Variants in C3 observed in about 807,000 individuals in gnomAD.
C3 encodes the protein complement C3, also known as C3 and PZP-like alpha-2-macroglobulin domain-containing protein 1.
C3 carries 97 observed loss-of-function variants against 207.9 expected under a neutral mutation model. That is an observed-to-expected ratio of 0.47 (90% confidence interval 0.40 to 0.55). The LOEUF (loss-of-function observed/expected upper bound fraction) is 0.55. Ranked by LOEUF, C3 falls within the 20% of genes least tolerant of loss-of-function variation. C3 has a pLI of 0.00. For missense variants in C3, 1,684 were observed against 2,171.7 expected, an observed-to-expected ratio of 0.78 and a Z score of 4.46; for synonymous variants, 848 against 857.6, an observed-to-expected ratio of 0.99 and a Z score of 0.20.
At position 6,690,612 on chromosome 19, in the gene C3, A is replaced by C; in HGVS notation, c.3489+17T>G. 6.2e-7 allele frequency: 1 copy of C among 1,602,410 alleles called. No homozygotes were observed. The highest frequency in any genetic ancestry group is 8.6e-7 in the Non-Finnish European group (1 of 1,169,202). On this transcript the variant is annotated intron_variant, in intron 27 of 40. Transcript: ENST00000245907. ...TCGGGTAAGGTAGGGTAGGGTGGGA[A>C]GATGGAGGGCACTTACGTTGACCTG...
chr19:6,685,281 T>C, intron 29 of C3, 135 bp from the exon 30 acceptor site: 1 of 802,860 alleles, frequency 1.2e-6, no homozygotes, highest in South Asian at 1.5e-5. Flanking sequence ...AGTGCAGGGG[T>C]GATAACTGGA....
rs765224315 is a variant in C3, at chr19:6,707,107, G to A, written c.2214C>T (p.His738=). 49 of 1,612,554 alleles carry A rather than the reference G, an allele frequency of 3.0e-5. No individual in the cohort carries two copies. In the Middle Eastern group the frequency reaches 4.9e-4, roughly 16 times the overall value. Residue 738 remains histidine (H), a synonymous_variant, in exon 17 of 41, where the codon CAC becomes CAT. Coordinates refer to ENST00000245907, the MANE Select transcript of C3 (RefSeq NM_000064.4). Reference sequence around the variant, plus strand: ...CCAGGCCCAGGTGGCTGGCCCGCGCGTGCTGCCGCCGCAGCTCTGTGATGT... The same window carrying A: ...CCAGGCCCAGGTGGCTGGCCCGCGCATGCTGCCGCCGCAGCTCTGTGATGT... ...CNYITELRRQ[H]ARASHLGLAR...
At chr19:6,691,627 G>A (rs931798797) in intron 26 of C3, among the ~76,000 whole-genome samples, 1 of 152,178 alleles carries the variant, frequency 6.6e-6, no homozygotes, top group African/African-American at 2.4e-5. Context: ...TGAGACTGAG[G>A]CAGTGATTCT....
At position 6,720,290 on chromosome 19, in the gene C3, A is replaced by G. The variant is rs11569397; in HGVS notation, c.74+226T>C. 9.6e-3 allele frequency among the ~76,000 whole-genome samples: 1,453 copies of G among 152,096 alleles called. 32 individuals are homozygous for G. The highest frequency in any genetic ancestry group is 0.034 in the African/African-American group (1,389 of 41,362). On this transcript the variant is annotated intron_variant, in intron 1 of 40. Coordinates refer to ENST00000245907, the MANE Select transcript of C3 (RefSeq NM_000064.4). The stretch of plus-strand genomic sequence containing the variant: ...AAACACCCAAACTCACAGGCAGCCC[A>G]AATGTATATAAACTCCAATTCCATG...
intron 27 of C3, among the ~76,000 whole-genome samples, chr19:6,689,332 CCT>C (rs1918099731): frequency 2.2e-5 from 1 of 44,532 alleles, no homozygotes; most frequent in African/African-American, 1.2e-4. Flanking sequence ...TACCTACCTC[CCT>C]CCCTCCCTCC....
rs1421678843 is a variant in C3 at position 6,678,938 on chromosome 19, T to C, written c.4630+187A>G. Among the ~76,000 whole-genome samples the C allele has an allele frequency of 3.3e-5, 5 of 151,974 alleles. No individual in the cohort carries two copies. The East Asian group carries it at 9.6e-4, about 29-fold the overall frequency. ...ACATCTACCTTTTCTCACATGAGCA[T>C]ACCTAGGCCACTCACAGTCATGGTT... On this transcript the variant is annotated intron_variant, in intron 38 of 40. Transcript: ENST00000245907.
At chr19:6,689,457 C>T (rs1918117239) in intron 27 of C3, among the ~76,000 whole-genome samples, 1 of 151,628 alleles carries the variant, frequency 6.6e-6, no homozygotes, top group Admixed American at 6.6e-5. Flanking sequence ...GGCCCCTCCC[C>T]TCCATCTCTT....
At chr19:6,718,549 G>A (rs950653618) in intron 2 of C3, 137 bp from the exon 3 acceptor site, 31 of 974,418 alleles carry the variant, frequency 3.2e-5, no homozygotes, top group Admixed American at 2.8e-4. Context: ...TGGGGAGGGA[G>A]GGGCATGTGA....
chr19:6,707,498 G>A lies in C3; in HGVS notation c.2015C>T (p.Ser672Phe). The A allele has an allele frequency of 2.5e-6, 4 of 1,614,112 alleles. No homozygotes were observed. The highest frequency in any genetic ancestry group is 3.4e-6 in the Non-Finnish European group (4 of 1,179,992). The change falls in exon 16 of 41, where the codon TCC becomes TTC. Residue 672 changes from serine (S) to phenylalanine (F), a missense_variant. Ser to Phe is a radical substitution (Grantham distance 155). This residue lies in a region of C3 where 1,280 missense variants were observed against 1,739.1 expected (regional missense o/e 0.74). Transcript: ENST00000245907. Reference protein sequence around the residue: ...CPQPAARRRRSVQLTEKRMDK... With the variant: ...CPQPAARRRRFVQLTEKRMDK... ...CATTCGCTTCTCCGTGAGCTGCACG[G>A]AACGGCGTCGGCGGGCGGCTGGCTG...
chr19:6,709,952 G>A (rs1018012112), intron 13 of C3, 110 bp from the exon 14 acceptor site: 43 of 869,278 alleles, frequency 4.9e-5, no homozygotes, highest in African/African-American at 7.4e-5. Context: ...GGGGGGAGCC[G>A]TGGGGCTGGG....
chr19:6,689,256 A>G (rs1433121198), intron 27 of C3, among the ~76,000 whole-genome samples: 2 of 151,144 alleles, frequency 1.3e-5, no homozygotes, highest in African/African-American at 4.9e-5. Context: ...GGAAGTGCCC[A>G]TGAGTCAGGA....
At chr19:6,706,413 T>C (rs541177728) in intron 17 of C3, among the ~76,000 whole-genome samples, 1 of 152,248 alleles carries the variant, frequency 6.6e-6, no homozygotes, top group Non-Finnish European at 1.5e-5. Context: ...TGAAGGCCTC[T>C]GTCCCTTCCA....
rs1276818404 is a variant in C3 at position 6,684,421 on chromosome 19, G to A, written c.4139C>T (p.Ala1380Val). The part of the protein sequence containing the change: ...APETEKRPQD[A>V]KNTMILEICT... The stretch of plus-strand genomic sequence containing the variant: ...GATCTCAAGGATCATAGTGTTCTTG[G>A]CATCCTGAGGCCTCTTTTCTAGAAA... Residue 1380 changes from alanine (A) to valine (V), a missense_variant, in exon 33 of 41, where the codon GCC (alanine) becomes GTC (valine). Ala to Val is a moderately conservative substitution (Grantham distance 64). Coordinates refer to ENST00000245907, the MANE Select transcript of C3 (RefSeq NM_000064.4). 6.2e-7 allele frequency: 1 copy of A among 1,613,808 alleles called. No individual in the cohort carries two copies. The highest frequency in any genetic ancestry group is 8.5e-7 in the Non-Finnish European group (1 of 1,179,676).
chr19:6,719,482 C>T lies in C3; in HGVS notation c.75-79G>A. On this transcript the variant is annotated intron_variant, in intron 1 of 40. Coordinates refer to ENST00000245907, the MANE Select transcript of C3 (RefSeq NM_000064.4). This position sits in a 1 kb window ranked among gnomAD's most constrained non-coding sequence, Gnocchi z 5.4. ...AGTCCTCACTGGAGTCAGCGCCTGG[C>T]AGGCTGTGTGCCCCAGCCTCTGGTC... The T allele has an allele frequency of 6.0e-6, 8 of 1,327,400 alleles. No individual in the cohort carries two copies. In the Admixed American group the frequency reaches 1.2e-4, roughly 20 times the overall value. The allele number at this position is 1,327,400 out of a possible 1,614,324, so 82.2% of individuals were successfully genotyped here. A position where few individuals can be genotyped will look rare whatever the true frequency, so the allele number is the denominator to read the frequency against.
At chr19:6,708,496 C>T (rs1237297615) in intron 14 of C3, among the ~76,000 whole-genome samples, 3 of 151,082 alleles carry the variant, frequency 2.0e-5, no homozygotes, top group Non-Finnish European at 4.4e-5. Context: ...CCTTCCTCTC[C>T]CTCCCTTCCT....
In C3 at chr19:6,690,687, G is replaced by A. The variant is rs150237828; in HGVS notation, c.3431C>T (p.Thr1144Met). The A allele has an allele frequency of 6.3e-5, 102 of 1,614,194 alleles. No individual in the cohort carries two copies. Among genetic ancestry groups the A allele is most frequent in the Non-Finnish European group, 6.2e-5 (73 of 1,180,012 alleles). ...RNNNEKDMAL[T>M]AFVLISLQEA... The stretch of plus-strand genomic sequence containing the variant: ...CTGCAGCGAGATGAGAACAAAGGCC[G>A]TGAGGGCCATGTCTTTCTCGTTGTT... Residue 1144 changes from threonine (T) to methionine (M), a missense_variant, in exon 27 of 41, where the codon ACG becomes ATG. Around this residue, in one of 3 missense-constraint regions of C3, gnomAD observed 1,280 missense variants for 1,739.1 expected, o/e 0.74. Transcript: ENST00000245907.
chr19:6,682,949 A>C, intron 33 of C3: 1 of 154,206 alleles, frequency 6.5e-6, no homozygotes, highest in Non-Finnish European at 1.4e-5. Flanking sequence ...AGACAGCATA[A>C]ATGGAGTTAT....
chr19:6,687,098 A>G (rs1209095609), intron 27 of C3, among the ~76,000 whole-genome samples, 196 bp from the exon 28 acceptor site: 4 of 152,188 alleles, frequency 2.6e-5, no homozygotes, highest in Non-Finnish European at 4.4e-5. Flanking sequence ...TCTATTATGT[A>G]TCTGGAGAAA....
chr19:6,718,994 T>G (rs1599529253), intron 2 of C3, among the ~76,000 whole-genome samples: 1 of 37,536 alleles, frequency 2.7e-5, no homozygotes, highest in African/African-American at 1.2e-4. Flanking sequence ...GGGGGGGGTC[T>G]CAGAAAAGGG....
Sources: gnomAD v4.1 joint callset for allele counts (sites outside exome capture counted in the v4.1 genomes callset) on GRCh38, gnomAD v4.1.1 for gene constraint, gnomAD v4.1.1 regional missense constraint, Gnocchi (gnomAD v3.1) non-coding constraint, MANE v1.5 for transcripts, NCBI Gene and HGNC (gene_info 2026-07-23, HGNC 2026-07-21) for gene names.